The following FMN1 variants were observed in gnomAD, a reference collection of about 807,000 sequenced individuals.
FMN1 encodes formin-1.
A neutral mutation model predicts 132.4 loss-of-function variants in FMN1; 110 were observed. The ratio of observed to expected loss-of-function variants is 0.83; its 90% CI spans 0.71 to 0.97. FMN1 has a LOEUF of 0.97. Among genes scored for constraint, FMN1 ranks in the 50% least tolerant of loss-of-function variants. The pLI is 0.00. For synonymous variants in FMN1, 722 were observed against 651.7 expected (o/e 1.11, Z -1.64); for missense variants, 1,792 against 1,705.3 (o/e 1.05, Z -0.90).
chr15:32,987,501 T>C (rs1298712650), intron 7 of FMN1, among the ~76,000 whole-genome samples: 1 of 152,174 alleles, frequency 6.6e-6, no homozygotes, highest in Non-Finnish European at 1.5e-5. Flanking sequence ...GCTTTCTGAC[T>C]GCCTGTCCTT....
chr15:32,890,260 T>C (rs2059995146), intron 15 of FMN1, among the ~76,000 whole-genome samples: 2 of 152,176 alleles, frequency 1.3e-5, no homozygotes, highest in African/African-American at 4.8e-5. Flanking sequence ...TTTCATATAA[T>C]GACTTCTTTT....
chr15:33,017,135 A>AT (rs200350256), intron 6 of FMN1, among the ~76,000 whole-genome samples: 5 of 127,610 alleles, frequency 3.9e-5, no homozygotes, highest in African/African-American at 1.6e-4. Context: ...TTAAAGCATA[A>AT]TTTAAAAAAA....
intron 17 of FMN1, among the ~76,000 whole-genome samples, chr15:32,827,485 C>T (rs144169714): frequency 1.6e-4 from 25 of 152,204 alleles, no homozygotes; most frequent in African/African-American, 5.3e-4. Context: ...CATGTTTGTA[C>T]CACTTTCTAA....
chr15:33,049,915 A>G (rs1033435363), intron 6 of FMN1, among the ~76,000 whole-genome samples: 1 of 152,230 alleles, frequency 6.6e-6, no homozygotes, highest in African/African-American at 2.4e-5. Flanking sequence ...GGGCTGCTCA[A>G]TTCACGAATT....
intron 5 of FMN1, chr15:33,067,574 G>C (rs548627726): frequency 6.2e-7 from 1 of 1,613,920 alleles, no homozygotes; most frequent in South Asian, 1.1e-5. Flanking sequence ...ACTTCCCTCT[G>C]ATTCTGTCTC....
At chr15:32,956,398 G>A (rs559667970) in intron 9 of FMN1, among the ~76,000 whole-genome samples, 2 of 150,400 alleles carry the variant, frequency 1.3e-5, no homozygotes, top group South Asian at 2.1e-4. Flanking sequence ...TAAAATAAAC[G>A]TACAACTTCT....
At chr15:32,943,798 T>C (rs1445824834) in intron 9 of FMN1, among the ~76,000 whole-genome samples, 3 of 152,186 alleles carry the variant, frequency 2.0e-5, no homozygotes, top group African/African-American at 7.2e-5. Context: ...TAATTTTTAT[T>C]CTCATTTAAC....
chr15:32,982,706 C>A (rs1388113954), intron 7 of FMN1, among the ~76,000 whole-genome samples: 1 of 152,094 alleles, frequency 6.6e-6, no homozygotes, highest in South Asian at 2.1e-4. Context: ...ACTGACTCTC[C>A]CACTACTAAG....
At chr15:33,143,296 T>C (rs766147202) in intron 4 of FMN1, among the ~76,000 whole-genome samples, 1 of 152,180 alleles carries the variant, frequency 6.6e-6, no homozygotes, top group African/African-American at 2.4e-5. Context: ...TCACATGATA[T>C]GACATGAAAC....
chr15:32,852,047 C>T (rs1475277097), intron 17 of FMN1, among the ~76,000 whole-genome samples: 1 of 152,184 alleles, frequency 6.6e-6, no homozygotes, highest in Admixed American at 6.5e-5. Context: ...TCTGATACTT[C>T]AGGTATCGCC....
chr15:32,910,340 G>A lies in FMN1; in HGVS notation c.3288+134C>T. 5.9e-6 allele frequency: 4 copies of A among 679,806 alleles called. No homozygotes were observed. In the South Asian group the frequency reaches 7.3e-5, roughly 12 times the overall value. 42.1% of individuals were successfully genotyped at this position (679,806 alleles called of 1,614,324 possible). On this transcript the variant is annotated intron_variant, in intron 11 of 20. Coordinates refer to ENST00000616417, the MANE Select transcript of FMN1 (RefSeq NM_001277313.2). ...GCTTCTCACATCCACTCCCATTCAAGCTTGTGTTTCTATGCCTTAATCTCT... is the reference window on the plus strand; with the variant it reads ...GCTTCTCACATCCACTCCCATTCAAACTTGTGTTTCTATGCCTTAATCTCT...
chr15:32,811,566 T>TTCA (rs1458796941), intron 17 of FMN1, among the ~76,000 whole-genome samples: 1 of 151,994 alleles, frequency 6.6e-6, no homozygotes, highest in East Asian at 1.9e-4. Flanking sequence ...AAAAGGAGTC[T>TTCA]TCAAATGGTC....
At chr15:33,013,095 GGA>G (rs1232068688) in intron 6 of FMN1, 8 of 414,204 alleles carry the variant, frequency 1.9e-5, no homozygotes, top group Admixed American at 5.5e-5. Context: ...AAGCTTAGTA[GGA>G]GAGTAGAGCC....
intron 5 of FMN1, among the ~76,000 whole-genome samples, chr15:33,066,009 A>T (rs1256112758): frequency 2.0e-5 from 3 of 152,206 alleles, no homozygotes; most frequent in Non-Finnish European, 4.4e-5. Context: ...TAGAATAAAA[A>T]CCCAGGTCTC....
At position 32,783,500 on chromosome 15, in the gene FMN1, A is replaced by G. The variant is rs147618497; in HGVS notation, c.4131-6581T>C. Reference sequence around the variant, plus strand: ...GGTGGCTCACGCCTGTAATCCCAGCACTTTGGGAGGCCGAGGTGAGTGGAT... The same window carrying G: ...GGTGGCTCACGCCTGTAATCCCAGCGCTTTGGGAGGCCGAGGTGAGTGGAT... On this transcript the variant is annotated intron_variant, in intron 19 of 20. Coordinates refer to ENST00000616417, the MANE Select transcript of FMN1 (RefSeq NM_001277313.2). Among the ~76,000 whole-genome samples, 614 of 152,202 alleles carry G rather than the reference A, an allele frequency of 4.0e-3. 4 individuals are homozygous for G. Among genetic ancestry groups the G allele is most frequent in the African/African-American group, 0.014 (591 of 41,532 alleles).
intron 3 of FMN1, among the ~76,000 whole-genome samples, chr15:33,165,283 A>G (rs1294647242): frequency 6.6e-6 from 1 of 152,248 alleles, no homozygotes; most frequent in Non-Finnish European, 1.5e-5. Context: ...AGAACTTTAT[A>G]TCAGGAACAA....
intron 17 of FMN1, among the ~76,000 whole-genome samples, chr15:32,836,700 T>G (rs1176054780): frequency 6.6e-6 from 1 of 152,228 alleles, no homozygotes; most frequent in Non-Finnish European, 1.5e-5. Flanking sequence ...CTCTCTCTTT[T>G]TTTTTAGAAT....
chr15:32,910,847 G>A (rs1287764794), intron 10 of FMN1, among the ~76,000 whole-genome samples: 4 of 152,212 alleles, frequency 2.6e-5, no homozygotes, highest in Non-Finnish European at 4.4e-5. Flanking sequence ...TAGGTTTGAA[G>A]CACAATTTTA....
intron 9 of FMN1, among the ~76,000 whole-genome samples, chr15:32,931,339 A>G (rs1248822045): frequency 1.3e-5 from 2 of 152,200 alleles, no homozygotes; most frequent in Non-Finnish European, 2.9e-5. Context: ...ATGTCTTTAC[A>G]GTTATTTGTG....
Sources: allele counts gnomAD v4.1 joint callset (sites outside exome capture counted in the v4.1 genomes callset), GRCh38; gene constraint gnomAD v4.1.1; transcripts MANE v1.5; gene names NCBI Gene and HGNC (gene_info 2026-07-23, HGNC 2026-07-21).